Variants in UBR3 observed in about 807,000 individuals in gnomAD.
UBR3 encodes E3 ubiquitin-protein ligase UBR3.
In UBR3, 85 loss-of-function variants were observed where a neutral mutation model predicts 243.2. The ratio of observed to expected loss-of-function variants is 0.35; its 90% CI spans 0.29 to 0.42. UBR3 has a LOEUF of 0.42. Ranked by LOEUF, UBR3 falls within the 10% of genes least tolerant of loss-of-function variation. The pLI, the probability that UBR3 is intolerant of heterozygous loss-of-function variation, is 1.00. For missense variants in UBR3, 1,686 were observed against 2,300.8 expected (o/e 0.73, Z 5.47); for synonymous variants, 748 against 799.8 (o/e 0.94, Z 1.09).
intron 26 of UBR3, among the ~76,000 whole-genome samples, chr2:169,997,143 AT>A (rs1195804486): frequency 1.4e-5 from 2 of 140,176 alleles, no homozygotes; most frequent in Admixed American, 6.9e-5. Flanking sequence ...TTTAGACTTT[AT>A]TTTTTTGTCA....
Position 169,890,567 on chromosome 2 carries a change from G to GTATA in UBR3, c.1039-588_1039-585dup, listed in dbSNP as rs1314543784. On this transcript the variant is annotated intron_variant, in intron 5 of 38. Coordinates refer to ENST00000272793, the MANE Select transcript of UBR3 (RefSeq NM_172070.4). Reference sequence around the variant, plus strand: ...TATATATATATATATATATATATGTGTATATATATATATGTATATATATAT... The same window carrying GTATA: ...TATATATATATATATATATATATGTGTATATATATATATATATGTATATATATAT... Among the ~76,000 whole-genome samples, 2 of 59,556 alleles carry GTATA rather than the reference G, an allele frequency of 3.4e-5. 1 individual carries two copies. The highest frequency in any genetic ancestry group is 1.5e-4 in the African/African-American group (2 of 12,938). The allele number at this position is 59,556 out of a possible 152,430, so 39.1% of individuals were successfully genotyped here. A position where few individuals can be genotyped will look rare whatever the true frequency, so the allele number is the denominator to read the frequency against.
intron 5 of UBR3, 63 bp from the exon 6 acceptor site, chr2:169,891,102 A>C: frequency 7.6e-7 from 1 of 1,310,174 alleles, no homozygotes; most frequent in Non-Finnish European, 1.1e-6. Context: ...TTGTAAGCAC[A>C]TTTATAAAGT....
At chr2:170,041,309 T>C (rs2090963372) in intron 32 of UBR3, among the ~76,000 whole-genome samples, 1 of 152,252 alleles carries the variant, frequency 6.6e-6, no homozygotes, top group South Asian at 2.1e-4. Flanking sequence ...AAAAGTGTTT[T>C]TTAAAATTCT....
At chr2:169,919,290 G>A (rs1336046537) in intron 11 of UBR3, among the ~76,000 whole-genome samples, 1 of 152,188 alleles carries the variant, frequency 6.6e-6, no homozygotes, top group Non-Finnish European at 1.5e-5. Context: ...TTAAATTAAT[G>A]TTTAAGTAAG....
intron 35 of UBR3, among the ~76,000 whole-genome samples, chr2:170,067,283 T>G (rs897193525): frequency 6.6e-6 from 1 of 152,172 alleles, no homozygotes; most frequent in Non-Finnish European, 1.5e-5. Context: ...GTGCATTACA[T>G]GTAAAATAAA....
chr2:169,944,851 T>TG (rs1320184530), intron 20 of UBR3, among the ~76,000 whole-genome samples: 3 of 152,156 alleles, frequency 2.0e-5, no homozygotes, highest in African/African-American at 7.2e-5. Flanking sequence ...GTCAGTGGCC[T>TG]GGGGGTCTGA....
At chr2:169,967,482 G>A (rs1356697147) in intron 24 of UBR3, among the ~76,000 whole-genome samples, 1 of 152,112 alleles carries the variant, frequency 6.6e-6, no homozygotes, top group African/African-American at 2.4e-5. Flanking sequence ...TCCTTGCTGT[G>A]ACTCTACCAC....
intron 31 of UBR3, among the ~76,000 whole-genome samples, chr2:170,033,970 GAGAT>G (rs2090753841): frequency 1.3e-5 from 2 of 150,408 alleles, no homozygotes; most frequent in Admixed American, 6.6e-5. Context: ...AAAACTTTAA[GAGAT>G]AGATAAGAGA....
Position 169,878,554 on chromosome 2 carries a change from C to T in UBR3, c.1018C>T (p.Gln340Ter). The T allele has an allele frequency of 6.4e-7, 1 of 1,551,220 alleles. No individual in the cohort carries two copies. The highest frequency in any genetic ancestry group is 8.7e-7 in the Non-Finnish European group (1 of 1,146,670). ...GFIGATGTLG[Q>*]VDSSDEDDQD... ...CATAGGCGCAACAGGAACTTTGGGA[C>T]AAGTGGATTCTTCAGATGAGGTGAG... The change falls in exon 5 of 39, where the codon CAA becomes TAA. Residue 340 changes from glutamine (Q) to a stop codon, truncating the protein, a stop_gained. Transcript: ENST00000272793. LOFTEE classifies it high-confidence loss of function.
chr2:169,987,417 A>C (rs993277399), intron 25 of UBR3, among the ~76,000 whole-genome samples: 35 of 150,832 alleles, frequency 2.3e-4, no homozygotes, highest in African/African-American at 8.3e-4. Flanking sequence ...AACAAAAAAA[A>C]AACAAAAACA....
chr2:169,978,539 T>C (rs2088572708), intron 24 of UBR3, among the ~76,000 whole-genome samples: 6 of 151,930 alleles, frequency 3.9e-5, no homozygotes, highest in Admixed American at 3.9e-4. Context: ...TAGCCACTAT[T>C]TGGGAGTCTG....
chr2:170,029,259 C>A, intron 30 of UBR3, 87 bp from the exon 31 acceptor site: 1 of 1,058,056 alleles, frequency 9.5e-7, no homozygotes, highest in Non-Finnish European at 1.4e-6. Flanking sequence ...AACAGATTTC[C>A]TTATGAAATA....
intron 24 of UBR3, among the ~76,000 whole-genome samples, chr2:169,973,971 A>G (rs10180260): frequency 0.27 from 41,229 of 152,016 alleles, 5,822 homozygotes; most frequent in East Asian, 0.42. Flanking sequence ...TTTGTCCTTC[A>G]TTGTGTTGCT....
intron 30 of UBR3, among the ~76,000 whole-genome samples, chr2:170,020,363 T>G (rs1005697227): frequency 9.2e-5 from 14 of 152,198 alleles, no homozygotes; most frequent in South Asian, 2.1e-4. Context: ...TTTTGTGGTA[T>G]TTGGGAATGT....
chr2:169,835,034 TA>T (rs1340858264), intron 1 of UBR3, among the ~76,000 whole-genome samples: 2 of 152,266 alleles, frequency 1.3e-5, no homozygotes, highest in African/African-American at 4.8e-5. Flanking sequence ...ATTGGGGAGT[TA>T]TTTTTTTAAC....
intron 32 of UBR3, among the ~76,000 whole-genome samples, chr2:170,042,688 C>CAAAAA (rs59694680): frequency 2.2e-5 from 2 of 91,566 alleles, no homozygotes; most frequent in African/African-American, 8.7e-5. Context: ...TACTCTGCCT[C>CAAAAA]AAAAAAAAAA....
chr2:170,081,356 C>T (rs913823744), intron 38 of UBR3, among the ~76,000 whole-genome samples: 2 of 151,732 alleles, frequency 1.3e-5, no homozygotes, highest in African/African-American at 4.8e-5. Flanking sequence ...AAAAATTAGC[C>T]GGGTGTGGTG....
At chr2:170,063,754 A>T (rs2091498785) in intron 35 of UBR3, among the ~76,000 whole-genome samples, 1 of 152,122 alleles carries the variant, frequency 6.6e-6, no homozygotes, top group African/African-American at 2.4e-5. Flanking sequence ...TTTATTTTTC[A>T]CTGATGAACA....
intron 24 of UBR3, among the ~76,000 whole-genome samples, chr2:169,966,785 T>C (rs1023654047): frequency 1.8e-4 from 27 of 152,192 alleles, no homozygotes; most frequent in African/African-American, 6.0e-4. Context: ...AATAGAATGG[T>C]ACATAATAAG....
Sources: gnomAD v4.1 joint callset for allele counts (sites outside exome capture counted in the v4.1 genomes callset) on GRCh38, gnomAD v4.1.1 for gene constraint, MANE v1.5 for transcripts, NCBI Gene and HGNC (gene_info 2026-07-23, HGNC 2026-07-21) for gene names.